Variants in PIAS2 observed in about 807,000 individuals in gnomAD.
PIAS2 encodes the protein E3 SUMO-protein ligase PIAS2.
Under a neutral mutation model 69.7 loss-of-function variants are expected in PIAS2, and 19 were observed. That is an observed-to-expected ratio of 0.27 (90% confidence interval 0.19 to 0.40). The LOEUF (loss-of-function observed/expected upper bound fraction) is 0.40. Ranked by LOEUF, PIAS2 falls within the 10% of genes least tolerant of loss-of-function variation. PIAS2 has a pLI of 1.00. For missense variants in PIAS2, 624 were observed against 757.0 expected (o/e 0.82, Z 2.06); for synonymous variants, 261 against 263.2 (o/e 0.99, Z 0.08).
intron 12 of PIAS2, chr18:46,817,925 G>GT (rs2041735589): frequency 1.0e-6 from 1 of 982,820 alleles, no homozygotes; most frequent in South Asian, 4.7e-5. Flanking sequence ...GCCTTGTTTC[G>GT]TAAGTTTAGC....
At chr18:46,814,463 C>A (rs954987845) in intron 13 of PIAS2, among the ~76,000 whole-genome samples, 2 of 152,108 alleles carry the variant, frequency 1.3e-5, no homozygotes, top group Non-Finnish European at 2.9e-5. Flanking sequence ...ATATATACTG[C>A]TGTAATGAGG....
Position 46,867,315 on chromosome 18 carries a change from G to A in PIAS2, c.500-3067C>T, listed in dbSNP as rs181705399. Among the ~76,000 whole-genome samples the A allele has an allele frequency of 4.0e-5, 6 of 151,866 alleles. No individual in the cohort carries two copies. The East Asian group carries it at 1.2e-3, about 29-fold the overall frequency. On this transcript the variant is annotated intron_variant, in intron 2 of 13. Transcript: ENST00000585916. ...TATAACCAGACTCCAGGAACTTACA[G>A]CAACAAAAAATTGTGCATATGCTAA...
At chr18:46,829,596 C>T (rs761238993) in intron 10 of PIAS2, 138 bp downstream of exon 10, 9 of 697,876 alleles carry the variant, frequency 1.3e-5, no homozygotes, top group Non-Finnish European at 2.1e-5. Context: ...GAATAAAAAT[C>T]ATTTGGGGGA....
upstream of PIAS2, among the ~76,000 whole-genome samples, chr18:46,919,223 A>G (rs2058368134): frequency 6.6e-6 from 1 of 151,938 alleles, no homozygotes; most frequent in African/African-American, 2.4e-5. Context: ...GCTGTGGCCC[A>G]CGCTCTAAAT....
chr18:46,831,083 G>A (rs565417301), intron 9 of PIAS2, among the ~76,000 whole-genome samples: 1 of 151,996 alleles, frequency 6.6e-6, no homozygotes, highest in Non-Finnish European at 1.5e-5. Flanking sequence ...AAAACAAAAG[G>A]CATCCACGTT....
intron 1 of PIAS2, among the ~76,000 whole-genome samples, chr18:46,895,002 G>C (rs910194291): frequency 1.3e-5 from 2 of 151,664 alleles, no homozygotes; most frequent in African/African-American, 4.9e-5. Context: ...GAAACCGGGA[G>C]GCGGAGGATG....
chr18:46,846,149 A>G (rs1292597890), intron 6 of PIAS2, among the ~76,000 whole-genome samples: 1 of 152,198 alleles, frequency 6.6e-6, no homozygotes, highest in African/African-American at 2.4e-5. Context: ...TGGTATCTCA[A>G]AATTGACATA....
At chr18:46,892,570 C>T (rs1033237206) in intron 1 of PIAS2, among the ~76,000 whole-genome samples, 5 of 151,402 alleles carry the variant, frequency 3.3e-5, no homozygotes, top group Non-Finnish European at 7.4e-5. Context: ...CCCAGGAGTT[C>T]GAGACCACAC....
rs1270938262 is a variant in PIAS2 at position 46,811,354 on chromosome 18, T to C, written c.*1079A>G. 6.6e-6 allele frequency: 1 copy of C among 152,082 alleles called. No homozygotes were observed. Among genetic ancestry groups the C allele is most frequent in the Non-Finnish European group, 1.5e-5 (1 of 68,006 alleles). 9.4% of individuals were successfully genotyped at this position (152,082 alleles called of 1,614,324 possible). A position where few individuals can be genotyped will look rare whatever the true frequency, so the allele number is the denominator to read the frequency against. ...ATTACATTGGTGAGAAATATGATCATCATAAATCTAAAACACATTTTCTAT... is the reference window on the plus strand; with the variant it reads ...ATTACATTGGTGAGAAATATGATCACCATAAATCTAAAACACATTTTCTAT... On this transcript the variant is annotated 3_prime_UTR_variant, in exon 14 of 14. Transcript: ENST00000585916.
rs1213887894 is a variant in PIAS2 at position 46,917,468 on chromosome 18, G to C, written c.-123C>G. 1.6e-5 allele frequency: 19 copies of C among 1,215,378 alleles called. No individual in the cohort carries two copies. The highest frequency in any genetic ancestry group is 1.9e-5 in the Non-Finnish European group (18 of 972,536). 75.3% of individuals were successfully genotyped at this position (1,215,378 alleles called of 1,614,324 possible). On this transcript the variant is annotated 5_prime_UTR_variant, in exon 1 of 14. Transcript: ENST00000585916. ...CCATCCTGCACTGGGCGCCGCTTAA[G>C]ACGCCGCGGCCGCCGCCGCTACAGC...
chr18:46,858,920 T>C (rs1486030136), intron 3 of PIAS2, among the ~76,000 whole-genome samples: 2 of 152,148 alleles, frequency 1.3e-5, no homozygotes, highest in African/African-American at 2.4e-5. Context: ...GAGCAAGTTA[T>C]AGCATCAATC....
chr18:46,829,287 A>G (rs2043250704), intron 10 of PIAS2, among the ~76,000 whole-genome samples: 1 of 152,154 alleles, frequency 6.6e-6, no homozygotes, highest in Admixed American at 6.6e-5. Flanking sequence ...AAAGAAATGG[A>G]AGGTAACAAT....
chr18:46,872,836 GGAAAAGCCT>G (rs1298997055), intron 2 of PIAS2, among the ~76,000 whole-genome samples: 1 of 152,140 alleles, frequency 6.6e-6, no homozygotes, highest in East Asian at 1.9e-4. Flanking sequence ...AGCTCACCCA[GGAAAAGCCT>G]GACTTTCTCC....
At position 46,812,427 on chromosome 18, in the gene PIAS2, C is replaced by T; in HGVS notation, c.*6G>A. 6.3e-7 allele frequency: 1 copy of T among 1,584,332 alleles called. No homozygotes were observed. Among genetic ancestry groups the T allele is most frequent in the Non-Finnish European group, 8.6e-7 (1 of 1,156,386 alleles). ...GAATGATTCCCAGAATCAAGTGAGTCCTCCTTTAGTCCAATGAGATGATGT... is the reference window on the plus strand; with the variant it reads ...GAATGATTCCCAGAATCAAGTGAGTTCTCCTTTAGTCCAATGAGATGATGT... On this transcript the variant is annotated 3_prime_UTR_variant, in exon 14 of 14. Coordinates refer to ENST00000585916, the MANE Select transcript of PIAS2 (RefSeq NM_004671.5).
chr18:46,896,699 C>T (rs960945544), intron 1 of PIAS2, among the ~76,000 whole-genome samples: 1 of 152,210 alleles, frequency 6.6e-6, no homozygotes, highest in African/African-American at 2.4e-5. Context: ...GTATACCATA[C>T]ATTCTTTCTC....
chr18:46,895,275 C>T (rs1598925941), intron 1 of PIAS2, among the ~76,000 whole-genome samples: 1 of 152,052 alleles, frequency 6.6e-6, no homozygotes, highest in East Asian at 1.9e-4. Flanking sequence ...GTAGATTCCC[C>T]ATCTGCTATG....
chr18:46,832,512 A>G (rs1008662298), intron 9 of PIAS2, among the ~76,000 whole-genome samples: 2 of 152,190 alleles, frequency 1.3e-5, no homozygotes, highest in South Asian at 2.1e-4. Context: ...ACGCAAAAAG[A>G]TGCTCAAAAC....
intron 3 of PIAS2, among the ~76,000 whole-genome samples, chr18:46,858,196 T>C (rs191134686): frequency 1.4e-5 from 2 of 147,338 alleles, no homozygotes; most frequent in Non-Finnish European, 1.5e-5. Context: ...TACAGGTTGT[T>C]AGAAAAGAGT....
At chr18:46,844,904 A>G (rs1321417257) in intron 6 of PIAS2, 65 bp from the exon 7 acceptor site, 1 of 605,388 alleles carries the variant, frequency 1.7e-6, no homozygotes, top group East Asian at 3.1e-5. Flanking sequence ...TTTACATGAA[A>G]TACTTATTTA....
Sources: allele counts gnomAD v4.1 joint callset (sites outside exome capture counted in the v4.1 genomes callset), GRCh38; gene constraint gnomAD v4.1.1; transcripts MANE v1.5; gene names NCBI Gene and HGNC (gene_info 2026-07-23, HGNC 2026-07-21).